STMN4: variants seen among roughly 807,000 people sequenced by gnomAD.
STMN4 encodes stathmin-4.
In STMN4, 12 loss-of-function variants were observed where a neutral mutation model predicts 29.1. The observed-to-expected ratio is 0.41, with a 90% CI of 0.26 to 0.67. The LOEUF is 0.67. Ranked by LOEUF, STMN4 falls within the 30% of genes least tolerant of loss-of-function variation. STMN4 has a pLI of 0.30. For missense variants in STMN4, 181 were observed against 262.8 expected, an observed-to-expected ratio of 0.69 and a Z score of 2.15; for synonymous variants, 114 against 105.3, an observed-to-expected ratio of 1.08 and a Z score of -0.51.
intron 1 of STMN4, among the ~76,000 whole-genome samples, chr8:27,248,302 G>A (rs962917586): frequency 1.3e-5 from 2 of 152,114 alleles, no homozygotes; most frequent in African/African-American, 4.8e-5. Flanking sequence ...ATTCGAGTGT[G>A]GCCTCATCCC....
chr8:27,256,110 A>G (rs1432767181), intron 1 of STMN4, among the ~76,000 whole-genome samples: 1 of 152,230 alleles, frequency 6.6e-6, no homozygotes, highest in Non-Finnish European at 1.5e-5. Context: ...GCCAATCATA[A>G]AAAGACAAGT....
At chr8:27,250,487 G>A (rs1359083523) in intron 1 of STMN4, among the ~76,000 whole-genome samples, 1 of 152,212 alleles carries the variant, frequency 6.6e-6, no homozygotes, top group African/African-American at 2.4e-5. Context: ...GGAGCCTTTG[G>A]AGGCTCTGCA....
chr8:27,243,709 A>G lies in STMN4; in HGVS notation c.13+2T>C. The G allele has an allele frequency of 6.2e-7, 1 of 1,614,034 alleles. No individual in the cohort carries two copies. Among genetic ancestry groups the G allele is most frequent in the Non-Finnish European group, 8.5e-7 (1 of 1,179,960 alleles). On this transcript the variant is annotated splice_donor_variant, in intron 2 of 6. Coordinates refer to ENST00000350889, the MANE Select transcript of STMN4 (RefSeq NM_030795.4). LOFTEE classifies it high-confidence loss of function. ...CCCTTAACACATGGTTTTTGTACCT[A>G]CCAGCAAGGGTCATGTTTCTGGGAT...
intron 3 of STMN4, chr8:27,242,021 G>C: frequency 1.7e-6 from 1 of 573,264 alleles, no homozygotes; most frequent in South Asian, 2.3e-5. Flanking sequence ...TCCCAGAGGA[G>C]ACCTGTTGAC....
At position 27,239,952 on chromosome 8, in the gene STMN4, C is replaced by G; in HGVS notation, c.591+19G>C. 4 of 1,614,250 alleles carry G rather than the reference C, an allele frequency of 2.5e-6. No individual in the cohort carries two copies. Among genetic ancestry groups the G allele is most frequent in the Non-Finnish European group, 3.4e-6 (4 of 1,180,032 alleles). ...ACAGCATGTCCCAGGAAACTCCTCTCTAGCCAGGGACCCCTCACCTTCTCT... is the reference window on the plus strand; with the variant it reads ...ACAGCATGTCCCAGGAAACTCCTCTGTAGCCAGGGACCCCTCACCTTCTCT... On this transcript the variant is annotated intron_variant, in intron 6 of 6. Coordinates refer to ENST00000350889, the MANE Select transcript of STMN4 (RefSeq NM_030795.4).
At chr8:27,239,566 G>A (rs1384325929) in intron 6 of STMN4, 23 of 850,484 alleles carry the variant, frequency 2.7e-5, no homozygotes, top group East Asian at 1.6e-4. Flanking sequence ...CATCATACCC[G>A]TGACTTAGAG....
At position 27,236,088 on chromosome 8, in the gene STMN4, C is replaced by T. The variant is rs1801303770; in HGVS notation, c.*758G>A. 6.6e-6 allele frequency: 1 copy of T among 152,122 alleles called. No homozygotes were observed. Among genetic ancestry groups the T allele is most frequent in the Admixed American group, 6.6e-5 (1 of 15,258 alleles). The allele number at this position is 152,122 out of a possible 1,614,324, so 9.4% of individuals were successfully genotyped here. ...ATGCTATCCAATAAAGATTAGCCCA[C>T]AGAGGGGATTTTAAAAAACAGAAGA... On this transcript the variant is annotated 3_prime_UTR_variant, in exon 7 of 7. Transcript: ENST00000350889.
At chr8:27,241,582 G>T in intron 4 of STMN4, 95 bp downstream of exon 4, 3 of 1,442,736 alleles carry the variant, frequency 2.1e-6, no homozygotes, top group East Asian at 2.3e-5. Context: ...GTCGTCCGTG[G>T]TGACAGGCAG....
intron 1 of STMN4, among the ~76,000 whole-genome samples, chr8:27,246,650 T>C (rs1801631182): frequency 6.6e-6 from 1 of 152,114 alleles, no homozygotes; most frequent in Non-Finnish European, 1.5e-5. Flanking sequence ...AGTGTCCTTA[T>C]AAGAGAGACT....
chr8:27,238,358 G>A (rs756504274), intron 6 of STMN4, among the ~76,000 whole-genome samples: 3 of 152,126 alleles, frequency 2.0e-5, no homozygotes, highest in Non-Finnish European at 4.4e-5. Context: ...CCAACCTCCC[G>A]CCTCCACCAG....
intron 1 of STMN4, among the ~76,000 whole-genome samples, chr8:27,254,065 G>A (rs1187962593): frequency 6.6e-6 from 1 of 152,180 alleles, no homozygotes; most frequent in Non-Finnish European, 1.5e-5. Context: ...TTACAGGTGT[G>A]AGCCATCGTG....
At chr8:27,251,610 CATT>C (rs1408899487) in intron 1 of STMN4, among the ~76,000 whole-genome samples, 1 of 151,984 alleles carries the variant, frequency 6.6e-6, no homozygotes, top group Non-Finnish European at 1.5e-5. Context: ...AACATATTCA[CATT>C]ATATTTTGGA....
intron 5 of STMN4, 80 bp from the exon 6 acceptor site, chr8:27,240,242 T>C (rs1801430917): frequency 6.7e-7 from 1 of 1,497,862 alleles, no homozygotes; most frequent in Admixed American, 2.0e-5. Flanking sequence ...GCTGAAAAGC[T>C]GCACACTCAG....
chr8:27,251,146 G>A (rs1038193076), intron 1 of STMN4, among the ~76,000 whole-genome samples: 6 of 152,016 alleles, frequency 3.9e-5, no homozygotes, highest in South Asian at 4.1e-4. Flanking sequence ...CCAGCTACTC[G>A]GGAGGCTGTG....
chr8:27,251,858 G>A (rs1465786511), intron 1 of STMN4, among the ~76,000 whole-genome samples: 1 of 147,898 alleles, frequency 6.8e-6, no homozygotes, highest in African/African-American at 2.5e-5. Flanking sequence ...TGTGCACATT[G>A]TGCAGGTTAG....
intron 6 of STMN4, chr8:27,239,148 G>C: frequency 6.8e-7 from 1 of 1,467,638 alleles, no homozygotes; most frequent in Non-Finnish European, 9.0e-7. Flanking sequence ...GAAGAAACCA[G>C]ATCCTTCTAG....
chr8:27,249,220 G>A (rs905929884), intron 1 of STMN4, among the ~76,000 whole-genome samples: 2 of 152,104 alleles, frequency 1.3e-5, no homozygotes, highest in Non-Finnish European at 2.9e-5. Context: ...GGGACAGTGG[G>A]GAGAAAAAGG....
At chr8:27,251,686 C>T (rs551207669) in intron 1 of STMN4, among the ~76,000 whole-genome samples, 1 of 152,202 alleles carries the variant, frequency 6.6e-6, no homozygotes, top group African/African-American at 2.4e-5. Context: ...ATGCTATTGG[C>T]ATTTTCTTCT....
intron 1 of STMN4, among the ~76,000 whole-genome samples, chr8:27,249,915 C>T (rs539458915): frequency 1.4e-4 from 21 of 152,310 alleles, no homozygotes; most frequent in Admixed American, 1.2e-3. Context: ...TGTCAAATTC[C>T]ATCTGGACTA....
Sources: allele counts gnomAD v4.1 joint callset (sites outside exome capture counted in the v4.1 genomes callset), GRCh38; gene constraint gnomAD v4.1.1; transcripts MANE v1.5; gene names NCBI Gene and HGNC (gene_info 2026-07-23, HGNC 2026-07-21).